The following TGFBR1 variants were observed in gnomAD, a reference collection of about 807,000 sequenced individuals.
TGFBR1 encodes the protein TGF-beta receptor type-1.
Under a neutral mutation model 55.1 loss-of-function variants are expected in TGFBR1, and 20 were observed. That is an observed-to-expected ratio of 0.36 (90% CI 0.26 to 0.53). TGFBR1 has a LOEUF of 0.53. TGFBR1 is among the 20% of genes least tolerant of loss of function. The probability of loss-of-function intolerance (pLI) is 0.91; values close to 1 mark genes in which losing one functional copy is unlikely to be tolerated. For synonymous variants in TGFBR1, 220 were observed against 214.8 expected, an observed-to-expected ratio of 1.02 and a Z score of -0.21; for missense variants, 385 against 617.6, an observed-to-expected ratio of 0.62 and a Z score of 3.99.
chr9:99,141,205 A>G (rs1269009430), intron 4 of TGFBR1, among the ~76,000 whole-genome samples: 1 of 152,206 alleles, frequency 6.6e-6, no homozygotes, highest in East Asian at 1.9e-4. Flanking sequence ...GAGGCATGCA[A>G]ATAAGCTAGT....
chr9:99,141,242 G>A (rs914237840), intron 4 of TGFBR1, among the ~76,000 whole-genome samples: 1 of 152,192 alleles, frequency 6.6e-6, no homozygotes, highest in African/African-American at 2.4e-5. Context: ...GGAAAAGCAA[G>A]GGTGCGAGTT....
chr9:99,142,002 G>A (rs1220164641), intron 4 of TGFBR1, among the ~76,000 whole-genome samples: 3 of 152,120 alleles, frequency 2.0e-5, no homozygotes, highest in Non-Finnish European at 4.4e-5. Flanking sequence ...ATCTTGTCTT[G>A]CGTCTTTGTG....
intron 1 of TGFBR1, among the ~76,000 whole-genome samples, chr9:99,109,629 C>T (rs951851029): frequency 6.6e-6 from 1 of 152,178 alleles, no homozygotes; most frequent in East Asian, 1.9e-4. Flanking sequence ...GATGTGAGAA[C>T]GTGTCTCTTC....
chr9:99,105,085 T>C (rs1588554541), upstream of TGFBR1: 2 of 748,082 alleles, frequency 2.7e-6, no homozygotes, highest in Non-Finnish European at 3.3e-6. Flanking sequence ...CTCCGAGCAG[T>C]TACAAAGGGC....
rs563516964 is a variant in TGFBR1, at chr9:99,115,476, G to A, written c.97+10174G>A. On this transcript the variant is annotated intron_variant, in intron 1 of 8. Coordinates refer to ENST00000374994, the MANE Select transcript of TGFBR1 (RefSeq NM_004612.4). ...GGCAAAAACGAATGGCTTTTTCTGCGAGAAACTAGGACTAATATAGATATT... is the reference window on the plus strand; with the variant it reads ...GGCAAAAACGAATGGCTTTTTCTGCAAGAAACTAGGACTAATATAGATATT... Among the ~76,000 whole-genome samples the A allele has an allele frequency of 1.4e-4, 22 of 152,268 alleles. No homozygotes were observed. The South Asian group carries it at 2.7e-3, about 19-fold the overall frequency.
chr9:99,134,418 G>T (rs944080867), intron 3 of TGFBR1, among the ~76,000 whole-genome samples: 1 of 152,128 alleles, frequency 6.6e-6, no homozygotes, highest in Admixed American at 6.5e-5. Flanking sequence ...TACTGAAGGT[G>T]TGATAGTCTT....
chr9:99,110,120 G>A (rs1826520526), intron 1 of TGFBR1, among the ~76,000 whole-genome samples: 2 of 152,048 alleles, frequency 1.3e-5, no homozygotes, highest in African/African-American at 4.8e-5. Flanking sequence ...ATTCATCTCA[G>A]ACATCACTTT....
At chr9:99,126,533 T>C (rs1416308325) in intron 1 of TGFBR1, among the ~76,000 whole-genome samples, 3 of 152,172 alleles carry the variant, frequency 2.0e-5, no homozygotes, top group Non-Finnish European at 4.4e-5. Flanking sequence ...GTAAAGAGGA[T>C]TTAGGAGAGA....
At chr9:99,117,377 C>T (rs1370905637) in intron 1 of TGFBR1, among the ~76,000 whole-genome samples, 1 of 151,738 alleles carries the variant, frequency 6.6e-6, no homozygotes, top group African/African-American at 2.4e-5. Flanking sequence ...GGGATTACAG[C>T]GTGAGCCACC....
At chr9:99,142,959 T>C (rs913707165) in intron 5 of TGFBR1, among the ~76,000 whole-genome samples, 4 of 151,906 alleles carry the variant, frequency 2.6e-5, no homozygotes, top group African/African-American at 9.7e-5. Context: ...CTCAGGGGGC[T>C]GAGGTAGGAG....
chr9:99,141,348 T>C (rs1396464829), intron 4 of TGFBR1, among the ~76,000 whole-genome samples: 1 of 152,212 alleles, frequency 6.6e-6, no homozygotes, highest in Non-Finnish European at 1.5e-5. Flanking sequence ...TCTGAAAAGT[T>C]TCTATTCCTT....
At chr9:99,110,353 T>A (rs898357009) in intron 1 of TGFBR1, among the ~76,000 whole-genome samples, 4 of 151,692 alleles carry the variant, frequency 2.6e-5, no homozygotes, top group African/African-American at 9.7e-5. Context: ...CTCTTCTCTC[T>A]TTTTTTTTCT....
chr9:99,144,748 T>A lies in TGFBR1; in HGVS notation c.990T>A (p.Ala330=). The part of the protein sequence containing the change: ...IVGTQGKPAI[A]HRDLKSKNIL... Reference sequence around the variant, plus strand: ...ATTCTTTAGGAAAGCCAGCCATTGCTCATAGAGATTTGAAATCAAAGAATA... The same window carrying A: ...ATTCTTTAGGAAAGCCAGCCATTGCACATAGAGATTTGAAATCAAAGAATA... Residue 330 remains alanine (A), a synonymous_variant, in exon 6 of 9, where the codon GCT becomes GCA. Transcript: ENST00000374994. 1 of 1,613,922 alleles carries A rather than the reference T, an allele frequency of 6.2e-7. No homozygotes were observed. The highest frequency in any genetic ancestry group is 8.5e-7 in the Non-Finnish European group (1 of 1,179,892).
At chr9:99,108,758 T>C (rs1826483673) in intron 1 of TGFBR1, among the ~76,000 whole-genome samples, 1 of 152,226 alleles carries the variant, frequency 6.6e-6, no homozygotes, top group Non-Finnish European at 1.5e-5. Context: ...CTGTGGAATT[T>C]GGATGTATTA....
rs200529894 is a variant in TGFBR1, at chr9:99,151,397, G to GTTTTTTTTTTT, written c.*2095_*2105dup. 4.6e-5 allele frequency: 7 copies of GTTTTTTTTTTT among 152,974 alleles called. No homozygotes were observed. Among genetic ancestry groups the GTTTTTTTTTTT allele is most frequent in the Admixed American group, 8.2e-5 (1 of 12,124 alleles). The allele number at this position is 152,974 out of a possible 1,614,324, so 9.5% of individuals were successfully genotyped here. The stretch of plus-strand genomic sequence containing the variant: ...CTTTTTTTGTGGGGGTTTTTTTTTT[G>GTTTTTTTTTTT]TTTTTTTTTTTTTGTTGTTGTTTTT... On this transcript the variant is annotated 3_prime_UTR_variant, in exon 9 of 9. Coordinates refer to ENST00000374994, the MANE Select transcript of TGFBR1 (RefSeq NM_004612.4).
rs377406254 is a variant in TGFBR1, at chr9:99,146,454, T to G, written c.1131-31T>G. 10 of 1,613,636 alleles carry G rather than the reference T, an allele frequency of 6.2e-6. 1 individual carries two copies. In the African/African-American group the frequency reaches 6.7e-5, roughly 11 times the overall value. ...CCAAATATGGCAGTAAGGGGATGAT[T>G]TTCAAAGTTCTTTTTGCAAATTTTT... On this transcript the variant is annotated intron_variant, in intron 6 of 8. Transcript: ENST00000374994.
At position 99,150,938 on chromosome 9, in the gene TGFBR1, G is replaced by A. The variant is rs954958962; in HGVS notation, c.*1633G>A. The A allele has an allele frequency of 4.4e-6, 1 of 224,774 alleles. No homozygotes were observed. The highest frequency in any genetic ancestry group is 8.9e-6 in the Non-Finnish European group (1 of 112,432). 13.9% of individuals were successfully genotyped at this position (224,774 alleles called of 1,614,324 possible). ...CCTTTTATCACTGTGATCTTATTCT[G>A]AGGGGAGAAAAAACTATCATAGCTC... On this transcript the variant is annotated 3_prime_UTR_variant, in exon 9 of 9. Transcript: ENST00000374994.
chr9:99,129,602 T>C (rs1421455592), intron 2 of TGFBR1, among the ~76,000 whole-genome samples: 3 of 152,178 alleles, frequency 2.0e-5, no homozygotes, highest in Non-Finnish European at 4.4e-5. Context: ...GTAGTTTACA[T>C]TTAAAATTTC....
rs1827917446 is a variant in TGFBR1, at chr9:99,149,515, C to G, written c.*210C>G. The G allele has an allele frequency of 1.8e-6, 1 of 563,842 alleles. No homozygotes were observed. The highest frequency in any genetic ancestry group is 3.1e-6 in the Non-Finnish European group (1 of 320,288). The allele number at this position is 563,842 out of a possible 1,614,324, so 34.9% of individuals were successfully genotyped here. A position where few individuals can be genotyped will look rare whatever the true frequency, so the allele number is the denominator to read the frequency against. On this transcript the variant is annotated 3_prime_UTR_variant, in exon 9 of 9. Coordinates refer to ENST00000374994, the MANE Select transcript of TGFBR1 (RefSeq NM_004612.4). ...TCCTTTCTGTGCACTATGAACGCTT[C>G]TTTCCCAGGACAGAAAATGTGTAGT...
Sources: allele counts gnomAD v4.1 joint callset (sites outside exome capture counted in the v4.1 genomes callset), GRCh38; gene constraint gnomAD v4.1.1; transcripts MANE v1.5; gene names NCBI Gene and HGNC (gene_info 2026-07-23, HGNC 2026-07-21).